The following CDK12 variants were observed in gnomAD, a reference collection of about 807,000 sequenced individuals.
The protein encoded by CDK12 is cyclin dependent kinase 12.
In CDK12, 17 loss-of-function variants were observed where a neutral mutation model predicts 133.8. The ratio of observed to expected loss-of-function variants is 0.13; its 90% CI spans 0.09 to 0.19. CDK12 has a LOEUF of 0.19. CDK12 is among the 10% of genes least tolerant of loss of function. The probability of loss-of-function intolerance (pLI) is 1.00; values close to 1 mark genes in which losing one functional copy is unlikely to be tolerated. For missense variants in CDK12, 1,508 were observed against 1,818.7 expected (o/e 0.83, Z 3.11); for synonymous variants, 694 against 683.6 (o/e 1.02, Z -0.24).
chr17:39,524,768 A>G lies in CDK12; in HGVS notation c.3190A>G (p.Lys1064Glu). 1 of 1,614,236 alleles carries G rather than the reference A, an allele frequency of 6.2e-7. No homozygotes were observed. The highest frequency in any genetic ancestry group is 2.2e-5 in the East Asian group (1 of 44,888). Reference protein sequence around the residue: ...GVVVEEPPPSKTSRKETTSGT... With the variant: ...GVVVEEPPPSETSRKETTSGT... ...TGTAGTCGAAGAGCCACCTCCATCC[A>G]AAACTTCTCGAAAAGAAACTACCTC... The change falls in exon 12 of 14, where the codon AAA becomes GAA. Residue 1064 changes from lysine (K) to glutamate (E), a missense_variant. Lys to Glu is a moderately conservative substitution (Grantham distance 56). Around this residue, in one of 9 missense-constraint regions of CDK12, gnomAD observed 399 missense variants for 469.6 expected, o/e 0.85. Transcript: ENST00000447079.
chr17:39,504,734 C>G (rs1346118946), intron 6 of CDK12, among the ~76,000 whole-genome samples: 2 of 151,738 alleles, frequency 1.3e-5, no homozygotes, highest in African/African-American at 2.4e-5. Context: ...CAAAAATTAG[C>G]TGAGCTTGGT....
chr17:39,478,555 A>C (rs866491665), intron 2 of CDK12, among the ~76,000 whole-genome samples: 4 of 152,180 alleles, frequency 2.6e-5, no homozygotes, highest in African/African-American at 9.6e-5. Context: ...GAAAAACGGA[A>C]ATAGACCAGG....
Position 39,471,329 on chromosome 17 carries a change from A to G in CDK12, c.1497A>G (p.Gly499=). The part of the protein sequence containing the change: ...KHLVKDLKAQ[G]TRDSKPIALK... ...TTGTTAAAGATTTGAAAGCACAGGG[A>G]ACAAGAGACTCTAAACCCATAGCAC... The change falls in exon 2 of 14, where the codon GGA becomes GGG. Residue 499 remains glycine (G), a synonymous_variant. Coordinates refer to ENST00000447079, the MANE Select transcript of CDK12 (RefSeq NM_016507.4). 6.2e-7 allele frequency: 1 copy of G among 1,614,018 alleles called. No individual in the cohort carries two copies. The highest frequency in any genetic ancestry group is 1.1e-5 in the South Asian group (1 of 91,080).
chr17:39,497,089 C>T (rs771104698), intron 5 of CDK12, among the ~76,000 whole-genome samples: 1 of 152,018 alleles, frequency 6.6e-6, no homozygotes, highest in Non-Finnish European at 1.5e-5. Context: ...CACGCCACCA[C>T]GGCCGGCTAA....
chr17:39,488,396 A>T (rs924341601), intron 2 of CDK12, among the ~76,000 whole-genome samples: 3 of 152,004 alleles, frequency 2.0e-5, no homozygotes, highest in African/African-American at 4.8e-5. Context: ...CTTTTTCTTT[A>T]GATTTTTAGT....
In CDK12 at chr17:39,504,879, CAAA is replaced by C. The variant is rs141083545; in HGVS notation, c.2609+3458_2609+3460del. Among the ~76,000 whole-genome samples the C allele has an allele frequency of 2.4e-4, 10 of 42,486 alleles. No homozygotes were observed. The East Asian group carries it at 5.8e-3, about 25-fold the overall frequency. The allele number at this position is 42,486 out of a possible 152,430, so 27.9% of individuals were successfully genotyped here. On this transcript the variant is annotated intron_variant, in intron 6 of 13. Coordinates refer to ENST00000447079, the MANE Select transcript of CDK12 (RefSeq NM_016507.4). ...TGGGTGACAGAACAAGACCCTGTCTCAAAAAAAAAAAAAAAAAAAACGCTAAGG... is the reference window on the plus strand; with the variant it reads ...TGGGTGACAGAACAAGACCCTGTCTCAAAAAAAAAAAAAAAAACGCTAAGG...
chr17:39,517,647 A>G (rs2053894787), intron 10 of CDK12, 91 bp downstream of exon 10: 1 of 734,950 alleles, frequency 1.4e-6, no homozygotes, highest in East Asian at 2.5e-5. Flanking sequence ...ATGTTGTCCC[A>G]GTTTATCATG....
chr17:39,544,153 T>A (rs996366174), upstream of CDK12: 13 of 470,842 alleles, frequency 2.8e-5, no homozygotes, highest in African/African-American at 2.6e-4. Flanking sequence ...CACTGTTACC[T>A]ACCAATGGAT....
At chr17:39,511,660 T>G (rs1476823564) in intron 8 of CDK12, 30 bp downstream of exon 8, 1 of 1,426,624 alleles carries the variant, frequency 7.0e-7, no homozygotes, top group Admixed American at 1.7e-5. Context: ...TTCTTTTGTC[T>G]GTAACTTACA....
intron 2 of CDK12, among the ~76,000 whole-genome samples, chr17:39,473,993 G>T (rs186165752): frequency 8.7e-4 from 132 of 152,258 alleles, no homozygotes; most frequent in African/African-American, 3.0e-3. Context: ...GGAGGCAGAG[G>T]CTGCAGTGAG....
chr17:39,528,436 C>G (rs919232697), intron 13 of CDK12, among the ~76,000 whole-genome samples: 1 of 152,056 alleles, frequency 6.6e-6, no homozygotes, highest in Admixed American at 6.5e-5. Context: ...CAGGTTCAAG[C>G]GATTCTCCTG....
At chr17:39,517,165 G>A (rs1463073816) in intron 9 of CDK12, among the ~76,000 whole-genome samples, 3 of 152,040 alleles carry the variant, frequency 2.0e-5, no homozygotes, top group Non-Finnish European at 2.9e-5. Flanking sequence ...AACCTGTATG[G>A]GGGGATTAAA....
At position 39,533,158 on chromosome 17, in the gene CDK12, T is replaced by C. The variant is rs191338532; in HGVS notation, c.*1842T>C. The C allele has an allele frequency of 1.9e-4, 45 of 232,804 alleles. No homozygotes were observed. The highest frequency in any genetic ancestry group is 3.3e-4 in the Non-Finnish European group (39 of 117,720). 14.4% of individuals were successfully genotyped at this position (232,804 alleles called of 1,614,324 possible). A position where few individuals can be genotyped will look rare whatever the true frequency, so the allele number is the denominator to read the frequency against. On this transcript the variant is annotated 3_prime_UTR_variant, in exon 14 of 14. Transcript: ENST00000447079. ...ACTGTTTTCCCCTGTTAATGAGATA[T>C]AGCTAGATATCGGTGTGTGTATTTC...
At chr17:39,506,984 C>T (rs2053172580) in intron 6 of CDK12, among the ~76,000 whole-genome samples, 1 of 151,908 alleles carries the variant, frequency 6.6e-6, no homozygotes, top group Admixed American at 6.6e-5. Context: ...GCAACCTCCG[C>T]CTCCCAGGTT....
At chr17:39,477,582 T>TATTTATTTATTTA (rs1567698386) in intron 2 of CDK12, among the ~76,000 whole-genome samples, 2 of 148,956 alleles carry the variant, frequency 1.3e-5, no homozygotes, top group Non-Finnish European at 3.0e-5. Context: ...TTATTTTTTT[T>TATTTATTTATTTA]TTTTTTTTGA....
chr17:39,468,900 C>T (rs1420776446), intron 1 of CDK12, among the ~76,000 whole-genome samples: 1 of 152,088 alleles, frequency 6.6e-6, no homozygotes, highest in African/African-American at 2.4e-5. Context: ...GCAACCTTGG[C>T]TTACTGCAAC....
intron 3 of CDK12, among the ~76,000 whole-genome samples, chr17:39,491,318 A>G: frequency 6.6e-6 from 1 of 152,172 alleles, no homozygotes; most frequent in African/African-American, 2.4e-5. Flanking sequence ...GCTTACCGCA[A>G]CCTCGGCTTC....
At chr17:39,477,418 A>G (rs1240547140) in intron 2 of CDK12, among the ~76,000 whole-genome samples, 5 of 150,346 alleles carry the variant, frequency 3.3e-5, no homozygotes, top group Admixed American at 1.3e-4. Context: ...TTGTATTTTT[A>G]GTAGAGACGG....
chr17:39,501,685 GTACT>G (rs1480884473), intron 6 of CDK12, among the ~76,000 whole-genome samples: 11 of 152,092 alleles, frequency 7.2e-5, no homozygotes, highest in Admixed American at 7.2e-4. Context: ...TTTCTGCCTA[GTACT>G]TACTCCTAGG....
Sources: gnomAD v4.1 joint callset for allele counts (sites outside exome capture counted in the v4.1 genomes callset) on GRCh38, gnomAD v4.1.1 for gene constraint, gnomAD v4.1.1 regional missense constraint, MANE v1.5 for transcripts, NCBI Gene and HGNC (gene_info 2026-07-23, HGNC 2026-07-21) for gene names.